Variants in SIL1 observed in about 807,000 individuals in gnomAD.
The protein encoded by SIL1 is SIL1 nucleotide exchange factor, also known as nucleotide exchange factor SIL1.
SIL1 carries 40 observed loss-of-function variants against 49.1 expected under a neutral mutation model. That is an observed-to-expected ratio of 0.81 (90% CI 0.63 to 1.06). The LOEUF is 1.06. Ranked by LOEUF, SIL1 falls within the 50% of genes least tolerant of loss-of-function variation. The pLI, the probability that SIL1 is intolerant of heterozygous loss-of-function variation, is 0.00. For synonymous variants in SIL1, 253 were observed against 250.8 expected, an observed-to-expected ratio of 1.01 and a Z score of -0.08; for missense variants, 500 against 572.6, an observed-to-expected ratio of 0.87 and a Z score of 1.29.
chr5:139,111,669 G>A (rs1200041195), intron 3 of SIL1, among the ~76,000 whole-genome samples: 2 of 152,140 alleles, frequency 1.3e-5, no homozygotes, highest in Admixed American at 1.3e-4. Flanking sequence ...TTTTGATATG[G>A]CTATCGCTAA....
chr5:139,187,750 T>G (rs1458455078), intron 1 of SIL1: 3 of 152,178 alleles, frequency 2.0e-5, no homozygotes, highest in Non-Finnish European at 4.4e-5. Flanking sequence ...CAGGAGCTAG[T>G]GGGTGCCATT....
At chr5:139,127,463 C>T (rs1750775693) in intron 2 of SIL1, among the ~76,000 whole-genome samples, 1 of 152,076 alleles carries the variant, frequency 6.6e-6, no homozygotes, top group Non-Finnish European at 1.5e-5. Context: ...AAAGCACTCA[C>T]TACAAGGTTT....
chr5:139,113,077 T>A (rs1375918597), intron 3 of SIL1, among the ~76,000 whole-genome samples: 2 of 152,102 alleles, frequency 1.3e-5, no homozygotes, highest in Admixed American at 6.5e-5. Context: ...ATGTGCTTTG[T>A]TAAACAGATG....
intron 3 of SIL1, among the ~76,000 whole-genome samples, chr5:139,102,484 CAAAAA>C (rs57739735): frequency 2.6e-5 from 3 of 115,684 alleles, no homozygotes; most frequent in Admixed American, 9.1e-5. Flanking sequence ...TGTCAGCAGG[CAAAAA>C]AAAAAAAAAA....
intron 7 of SIL1, among the ~76,000 whole-genome samples, chr5:138,967,985 T>C (rs111303007): frequency 0.048 from 7,277 of 152,212 alleles, 241 homozygotes; most frequent in Non-Finnish European, 0.077. Flanking sequence ...AGAAGGCCTG[T>C]GGGGTGTTCC....
intron 1 of SIL1, among the ~76,000 whole-genome samples, chr5:139,142,777 AT>A (rs893852938): frequency 6.6e-6 from 1 of 150,518 alleles, no homozygotes; most frequent in Non-Finnish European, 1.5e-5. Context: ...TTATTTATTT[AT>A]TTTTTTTTGA....
chr5:139,194,893 C>T lies in SIL1; in HGVS notation c.-11+3376G>A, dbSNP rs555140545. Among the ~76,000 whole-genome samples the T allele has an allele frequency of 6.0e-5, 9 of 151,144 alleles. No homozygotes were observed. In the South Asian group the frequency reaches 1.9e-3, roughly 32 times the overall value. On this transcript the variant is annotated intron_variant, in intron 1 of 9. Transcript: ENST00000394817. ...CCACAAGTATGTGAAAAAGAGAATC[C>T]ACCTATTTCGAAAAAGGTACAACTT...
chr5:139,153,543 C>G (rs930288940), intron 1 of SIL1, among the ~76,000 whole-genome samples: 1 of 152,162 alleles, frequency 6.6e-6, no homozygotes, highest in Non-Finnish European at 1.5e-5. Flanking sequence ...CTGGTTCACC[C>G]CCTAAGCCAG....
chr5:138,980,032 A>G (rs1169961787), intron 7 of SIL1, among the ~76,000 whole-genome samples: 1 of 152,244 alleles, frequency 6.6e-6, no homozygotes, highest in Non-Finnish European at 1.5e-5. Flanking sequence ...GGTTCTTTCC[A>G]GAATCCTCAG....
At chr5:138,995,180 T>C (rs1767837839) in intron 7 of SIL1, among the ~76,000 whole-genome samples, 1 of 152,220 alleles carries the variant, frequency 6.6e-6, no homozygotes, top group Non-Finnish European at 1.5e-5. Flanking sequence ...CATGTGCTAT[T>C]TATTACATTC....
At chr5:139,185,975 C>T (rs1237651784) in intron 1 of SIL1, among the ~76,000 whole-genome samples, 1 of 152,236 alleles carries the variant, frequency 6.6e-6, no homozygotes, top group Non-Finnish European at 1.5e-5. Context: ...CAATGTATTT[C>T]CCTTTTAGTT....
intron 7 of SIL1, among the ~76,000 whole-genome samples, chr5:139,013,096 G>T (rs1429135858): frequency 6.6e-6 from 1 of 152,056 alleles, no homozygotes; most frequent in East Asian, 1.9e-4. Context: ...TAATTTGCCT[G>T]CTCTACGGTT....
rs575048973 is a variant in SIL1 at position 138,989,332 on chromosome 5, T to C, written c.767+31839A>G. On this transcript the variant is annotated intron_variant, in intron 7 of 9. Transcript: ENST00000394817. The stretch of plus-strand genomic sequence containing the variant: ...GGGAGGCCAAGGCGGGCAGATCACT[T>C]GAGGCCAGGAGTTCTAGACCAGCCT... 2.0e-5 allele frequency among the ~76,000 whole-genome samples: 3 copies of C among 152,270 alleles called. No individual in the cohort carries two copies. In the South Asian group the frequency reaches 6.2e-4, roughly 32 times the overall value.
intron 1 of SIL1, among the ~76,000 whole-genome samples, chr5:139,191,631 A>T (rs987116713): frequency 2.6e-5 from 4 of 152,012 alleles, no homozygotes; most frequent in African/African-American, 4.8e-5. Context: ...AAAAAAAAAA[A>T]AAAAATTAAA....
At chr5:138,992,659 G>A (rs969065894) in intron 7 of SIL1, among the ~76,000 whole-genome samples, 1 of 151,828 alleles carries the variant, frequency 6.6e-6, no homozygotes, top group African/African-American at 2.4e-5. Flanking sequence ...ATCCTTGGGC[G>A]CTAAACTACA....
chr5:139,112,946 G>A (rs996132424), intron 3 of SIL1, among the ~76,000 whole-genome samples: 1 of 152,242 alleles, frequency 6.6e-6, no homozygotes, highest in African/African-American at 2.4e-5. Flanking sequence ...ATTTTGTTCT[G>A]TACTAAGAAA....
chr5:138,984,788 T>C (rs970567456), intron 7 of SIL1, among the ~76,000 whole-genome samples: 2 of 152,112 alleles, frequency 1.3e-5, no homozygotes, highest in Non-Finnish European at 2.9e-5. Context: ...TTCTTGCTCT[T>C]GAGGGCCCAA....
chr5:138,950,037 G>A (rs1039982218), intron 9 of SIL1, among the ~76,000 whole-genome samples: 5 of 152,262 alleles, frequency 3.3e-5, no homozygotes, highest in South Asian at 2.1e-4. Flanking sequence ...GCAGGCTCCC[G>A]GGGCCGGCAG....
chr5:139,081,477 G>A (rs952060600), intron 3 of SIL1, among the ~76,000 whole-genome samples: 7 of 152,154 alleles, frequency 4.6e-5, no homozygotes, highest in African/African-American at 1.4e-4. Flanking sequence ...ACATGACAAA[G>A]AGCTCAAGAA....
Sources: gnomAD v4.1 joint callset for allele counts (sites outside exome capture counted in the v4.1 genomes callset) on GRCh38, gnomAD v4.1.1 for gene constraint, MANE v1.5 for transcripts, NCBI Gene and HGNC (gene_info 2026-07-23, HGNC 2026-07-21) for gene names.